CACNA1A: variants seen among roughly 807,000 people sequenced by gnomAD.
The protein encoded by CACNA1A is voltage-dependent P/Q-type calcium channel subunit alpha-1A.
In CACNA1A, 57 loss-of-function variants were observed where a neutral mutation model predicts 262.4. The observed-to-expected ratio is 0.22, with a 90% confidence interval of 0.18 to 0.27. The LOEUF (loss-of-function observed/expected upper bound fraction) is 0.27, where lower values mean the gene tolerates loss of function less well. Ranked by LOEUF, CACNA1A falls within the 10% of genes least tolerant of loss-of-function variation. CACNA1A has a pLI of 1.00. For synonymous variants in CACNA1A, 1,431 were observed against 1,419.3 expected, an observed-to-expected ratio of 1.01 and a Z score of -0.18; for missense variants, 2,526 against 3,562.8, an observed-to-expected ratio of 0.71 and a Z score of 7.41.
chr19:13,502,748 G>A (rs1430865400), intron 1 of CACNA1A, among the ~76,000 whole-genome samples: 1 of 152,170 alleles, frequency 6.6e-6, no homozygotes, highest in Non-Finnish European at 1.5e-5. Flanking sequence ...ATGGCTTCAA[G>A]TTTGACCCAC....
chr19:13,428,937 C>T (rs2060451494), intron 3 of CACNA1A, among the ~76,000 whole-genome samples: 1 of 152,044 alleles, frequency 6.6e-6, no homozygotes, highest in South Asian at 2.1e-4. Flanking sequence ...CTCAGAATGG[C>T]CTTGAGGACG....
In CACNA1A at chr19:13,241,252, C is replaced by T. The variant is rs937245193; in HGVS notation, c.4950+3930G>A. 3.3e-5 allele frequency among the ~76,000 whole-genome samples: 5 copies of T among 151,954 alleles called. No homozygotes were observed. Among genetic ancestry groups the T allele is most frequent in the African/African-American group, 9.7e-5 (4 of 41,354 alleles). ...GAGAGAGGTGCTGCGCTGGGAAAAC[C>T]CATCCCTTTCTCTGCAAAAGACGCA... On this transcript the variant is annotated intron_variant, in intron 31 of 46. Coordinates refer to ENST00000360228, the MANE Select transcript of CACNA1A (RefSeq NM_001127222.2). This position sits in a 1 kb window ranked among gnomAD's most constrained non-coding sequence, Gnocchi z 4.0.
intron 10 of CACNA1A, among the ~76,000 whole-genome samples, chr19:13,323,366 T>C (rs1045941871): frequency 6.6e-6 from 1 of 152,256 alleles, no homozygotes; most frequent in Non-Finnish European, 1.5e-5. Context: ...ATTTCCCTGA[T>C]GATGAGTGAT....
rs547311543 is a variant in CACNA1A, at chr19:13,349,954, T to C, written c.978+9652A>G. On this transcript the variant is annotated intron_variant, in intron 6 of 46. Coordinates refer to ENST00000360228, the MANE Select transcript of CACNA1A (RefSeq NM_001127222.2). ...AGGTCCAGGGAAGAGGCCCGTCTAG[T>C]GGGCATGGGAGCCATGTGGATACCT... Among the ~76,000 whole-genome samples, 38 of 152,282 alleles carry C rather than the reference T, an allele frequency of 2.5e-4. No individual in the cohort carries two copies. In the South Asian group the frequency reaches 6.2e-3, roughly 25 times the overall value.
At chr19:13,475,535 G>A (rs1249597391) in intron 1 of CACNA1A, among the ~76,000 whole-genome samples, 1 of 152,188 alleles carries the variant, frequency 6.6e-6, no homozygotes, top group Non-Finnish European at 1.5e-5. Flanking sequence ...GGGAGGTGGG[G>A]AAAATGACAC....
At chr19:13,493,107 T>C (rs1057209058) in intron 1 of CACNA1A, among the ~76,000 whole-genome samples, 1 of 152,192 alleles carries the variant, frequency 6.6e-6, no homozygotes, top group African/African-American at 2.4e-5. Context: ...TTTCCTTCTA[T>C]ACACTCATCT....
intron 24 of CACNA1A, among the ~76,000 whole-genome samples, chr19:13,266,636 C>T (rs1371338064): frequency 2.6e-5 from 4 of 152,098 alleles, no homozygotes; most frequent in African/African-American, 9.7e-5. Flanking sequence ...TGCAGTGGTG[C>T]AATCTCAGCT....
At chr19:13,469,812 C>G (rs1056907536) in intron 1 of CACNA1A, among the ~76,000 whole-genome samples, 1 of 151,788 alleles carries the variant, frequency 6.6e-6, no homozygotes, top group Non-Finnish European at 1.5e-5. Flanking sequence ...TAAATGCAAA[C>G]CAACGTCCAT....
chr19:13,464,804 T>G (rs1230932275), intron 1 of CACNA1A, among the ~76,000 whole-genome samples: 1 of 152,166 alleles, frequency 6.6e-6, no homozygotes, highest in Non-Finnish European at 1.5e-5. Context: ...CACCTTGGCC[T>G]CCCAAAGTGC....
chr19:13,337,027 T>G (rs1373596570), intron 6 of CACNA1A, among the ~76,000 whole-genome samples: 1 of 152,214 alleles, frequency 6.6e-6, no homozygotes, highest in African/African-American at 2.4e-5. Context: ...ATGACACTGC[T>G]GCTGCCTGGA....
chr19:13,259,496 C>T (rs2056671291), intron 27 of CACNA1A, 68 bp downstream of exon 27: 2 of 1,482,256 alleles, frequency 1.3e-6, no homozygotes, highest in South Asian at 2.5e-5. Context: ...TATTGCTAAG[C>T]TCTCAGGCCC....
intron 1 of CACNA1A, among the ~76,000 whole-genome samples, chr19:13,488,195 C>T (rs977091355): frequency 4.3e-4 from 66 of 151,948 alleles, no homozygotes; most frequent in African/African-American, 1.6e-3. Flanking sequence ...GGGTAAGTGG[C>T]TTGCCCAAGG....
intron 19 of CACNA1A, among the ~76,000 whole-genome samples, chr19:13,287,224 G>C (rs569721639): frequency 1.4e-4 from 22 of 152,206 alleles, no homozygotes; most frequent in African/African-American, 3.9e-4. Context: ...GGCGCTGTGT[G>C]CCTGTAGTTC....
rs764678755 is a variant in CACNA1A at position 13,245,147 on chromosome 19, A to G, written c.4950+35T>C. On this transcript the variant is annotated intron_variant, in intron 31 of 46. Coordinates refer to ENST00000360228, the MANE Select transcript of CACNA1A (RefSeq NM_001127222.2). ...CCCTGCCGCCTGCCTCGTCCAGCCC[A>G]GAGTCACCCAGAGAGAAGCTGGAGG... 9.6e-6 allele frequency: 15 copies of G among 1,555,690 alleles called. No homozygotes were observed. The African/African-American group carries it at 1.2e-4, about 13-fold the overall frequency.
intron 31 of CACNA1A, among the ~76,000 whole-genome samples, chr19:13,240,123 C>A (rs2056021920): frequency 6.8e-6 from 1 of 147,286 alleles, no homozygotes; most frequent in Admixed American, 6.9e-5. Flanking sequence ...TGCACGCCAG[C>A]CTGGGTGACA....
chr19:13,286,666 G>A lies in CACNA1A; in HGVS notation c.3390C>T (p.Asn1130=). The change falls in exon 20 of 47, where the codon AAC becomes AAT. Residue 1130 remains asparagine, a synonymous_variant. Transcript: ENST00000360228. ...ASRRTPNNPG[N]PSNPGPPKTP... ...TCTTGGGGGGGCCGGGATTGGATGG[G>A]TTCCCCGGGTTGTTGGGCGTCCGGC... is the stretch of plus-strand genomic sequence containing the variant. 1 of 1,561,756 alleles carries A rather than the reference G, an allele frequency of 6.4e-7. No individual in the cohort carries two copies.
chr19:13,406,944 CAA>C (rs1410364526), intron 3 of CACNA1A, among the ~76,000 whole-genome samples: 2 of 151,238 alleles, frequency 1.3e-5, no homozygotes, highest in African/African-American at 4.9e-5. Flanking sequence ...CACACACACA[CAA>C]ACACACACAC....
chr19:13,258,161 C>T (rs1396585017), intron 27 of CACNA1A: 1 of 152,184 alleles, frequency 6.6e-6, no homozygotes, highest in Non-Finnish European at 1.5e-5. Flanking sequence ...CTCCACTTTG[C>T]ACATGAGGAA....
chr19:13,367,597 G>A (rs1417339724), intron 4 of CACNA1A, among the ~76,000 whole-genome samples: 1 of 144,848 alleles, frequency 6.9e-6, no homozygotes, highest in African/African-American at 2.5e-5. Context: ...GCGTGGTGGC[G>A]GGCACCTGTA....
Sources: allele counts gnomAD v4.1 joint callset (sites outside exome capture counted in the v4.1 genomes callset), GRCh38; gene constraint gnomAD v4.1.1; non-coding constraint Gnocchi (gnomAD v3.1); transcripts MANE v1.5; gene names NCBI Gene and HGNC (gene_info 2026-07-23, HGNC 2026-07-21).